Variants in HEMK2 observed in about 807,000 individuals in gnomAD.
HEMK2 encodes HemK methyltransferase 2, ETF1 glutamine and histone H4 lysine.
chr21:28,859,830 T>G, the HEMK2 span, among the ~76,000 whole-genome samples: 4 of 152,116 alleles, frequency 2.6e-5, no homozygotes, highest in African/African-American at 9.7e-5. Context: ...GTAACCAAAT[T>G]TAGGTCACTA....
At chr21:28,858,601 C>T in the HEMK2 span, among the ~76,000 whole-genome samples, 380 of 151,206 alleles carry the variant, frequency 2.5e-3, 4 homozygotes, top group African/African-American at 8.8e-3. Flanking sequence ...GAGGGAGGGA[C>T]GCAGGGAGGG....
the HEMK2 span, among the ~76,000 whole-genome samples, chr21:28,815,969 T>G: frequency 4.6e-5 from 7 of 152,112 alleles, no homozygotes; most frequent in Non-Finnish European, 8.8e-5. Flanking sequence ...TAAGGTAAAA[T>G]GAGGCTGTTA....
At chr21:28,592,355 CCAA>C in the HEMK2 span, among the ~76,000 whole-genome samples, 1 of 152,032 alleles carries the variant, frequency 6.6e-6, no homozygotes, top group Admixed American at 6.6e-5. Flanking sequence ...CAGTCATTGA[CCAA>C]TGGAGCCAAA....
chr21:28,882,613 G>GA, the HEMK2 span, among the ~76,000 whole-genome samples: 92,849 of 151,472 alleles, frequency 0.61, 28,919 homozygotes, highest in South Asian at 0.71. Flanking sequence ...CACAGGAAAT[G>GA]AAAAAAAACA....
the HEMK2 span, among the ~76,000 whole-genome samples, chr21:28,603,649 T>C: frequency 1.3e-5 from 2 of 150,962 alleles, no homozygotes; most frequent in African/African-American, 4.9e-5. Context: ...AGAATACTGT[T>C]TTTGCATTTC....
chr21:28,813,524 T>C, the HEMK2 span, among the ~76,000 whole-genome samples: 1 of 152,170 alleles, frequency 6.6e-6, no homozygotes, highest in Admixed American at 6.5e-5. Context: ...ATAGATTCAA[T>C]GCTATCCCCA....
At chr21:28,703,576 C>A in the HEMK2 span, among the ~76,000 whole-genome samples, 1 of 152,140 alleles carries the variant, frequency 6.6e-6, no homozygotes, top group African/African-American at 2.4e-5. Context: ...AGGAACTAAG[C>A]ATCTTTTATC....
the HEMK2 span, among the ~76,000 whole-genome samples, chr21:28,644,338 T>C: frequency 4.6e-5 from 7 of 152,152 alleles, no homozygotes; most frequent in East Asian, 7.7e-4. Context: ...CATAATTCGG[T>C]CACCTCTACC....
chr21:28,771,089 T>G, the HEMK2 span, among the ~76,000 whole-genome samples: 1 of 152,122 alleles, frequency 6.6e-6, no homozygotes, highest in Non-Finnish European at 1.5e-5. Flanking sequence ...TTCAGAAACA[T>G]TACATCAATT....
chr21:28,598,684 T>G, the HEMK2 span, among the ~76,000 whole-genome samples: 1 of 152,226 alleles, frequency 6.6e-6, no homozygotes, highest in Non-Finnish European at 1.5e-5. Flanking sequence ...TAGTAAATTA[T>G]TGAGCCTGAG....
the HEMK2 span, among the ~76,000 whole-genome samples, chr21:28,856,435 T>C: frequency 1.3e-5 from 2 of 151,670 alleles, no homozygotes; most frequent in Non-Finnish European, 2.9e-5. Context: ...AAAAGAATAA[T>C]AATAATTAAG....
At chr21:28,811,042 G>A in the HEMK2 span, among the ~76,000 whole-genome samples, 1 of 152,114 alleles carries the variant, frequency 6.6e-6, no homozygotes, top group Non-Finnish European at 1.5e-5. Context: ...ACTGAACAGT[G>A]TTTCAGTGAA....
chr21:28,743,895 A>G, the HEMK2 span, among the ~76,000 whole-genome samples: 34,770 of 152,122 alleles, frequency 0.23, 4,613 homozygotes, highest in African/African-American at 0.35. Context: ...TATAGACCAC[A>G]GAATACTATA....
the HEMK2 span, among the ~76,000 whole-genome samples, chr21:28,653,659 T>A: frequency 6.6e-6 from 1 of 152,190 alleles, no homozygotes; most frequent in African/African-American, 2.4e-5. Context: ...TTGTTTACAG[T>A]CTCAGCTGCC....
the HEMK2 span, among the ~76,000 whole-genome samples, chr21:28,698,164 AAC>A: frequency 6.6e-6 from 1 of 152,214 alleles, no homozygotes; most frequent in Non-Finnish European, 1.5e-5. Flanking sequence ...GAATTTAGGA[AAC>A]ACACGAAGAT....
the HEMK2 span, among the ~76,000 whole-genome samples, chr21:28,877,350 GAAA>G: frequency 9.3e-5 from 12 of 128,740 alleles, no homozygotes; most frequent in East Asian, 2.2e-4. Flanking sequence ...AGGAAGGAAA[GAAA>G]AAAAAGAAAG....
the HEMK2 span, among the ~76,000 whole-genome samples, chr21:28,640,347 T>A: frequency 6.6e-6 from 1 of 152,170 alleles, no homozygotes; most frequent in East Asian, 1.9e-4. Context: ...GGGGTCACCA[T>A]CTAAGAGTCC....
chr21:28,765,698 A>G, the HEMK2 span, among the ~76,000 whole-genome samples: 1 of 152,012 alleles, frequency 6.6e-6, no homozygotes, highest in East Asian at 1.9e-4. Flanking sequence ...TATGAGGAAT[A>G]ACTTGACAAG....
chr21:28,862,396 T>G, the HEMK2 span, among the ~76,000 whole-genome samples: 96 of 121,242 alleles, frequency 7.9e-4, 7 homozygotes, highest in South Asian at 0.02. Flanking sequence ...TCCCAGCACT[T>G]TGGGAGGCCG....
Sources: allele counts gnomAD v4.1 joint callset (sites outside exome capture counted in the v4.1 genomes callset), GRCh38; gene constraint gnomAD v4.1.1; transcripts MANE v1.5; gene names NCBI Gene and HGNC (gene_info 2026-07-23, HGNC 2026-07-21).